Variants in LASP1 observed in about 807,000 individuals in gnomAD.
LASP1 encodes the protein LIM and SH3 protein 1, also known as LIM and SH3 domain protein 1.
Under a neutral mutation model 38.6 loss-of-function variants are expected in LASP1, and 10 were observed. The observed-to-expected ratio is 0.26, with a 90% confidence interval of 0.16 to 0.44. The LOEUF (loss-of-function observed/expected upper bound fraction) is 0.44. Among genes scored for constraint, LASP1 ranks in the 20% least tolerant of loss-of-function variants. The probability of loss-of-function intolerance (pLI) is 1.00; values close to 1 mark genes in which losing one functional copy is unlikely to be tolerated. For missense variants in LASP1, 243 were observed against 375.7 expected (o/e 0.65, Z 2.92); for synonymous variants, 132 against 140.8 (o/e 0.94, Z 0.44).
chr17:38,891,007 T>G (rs1305106625), intron 3 of LASP1, among the ~76,000 whole-genome samples: 1 of 152,150 alleles, frequency 6.6e-6, no homozygotes, highest in Non-Finnish European at 1.5e-5. Context: ...GGCTTGACTT[T>G]CCAGAACACT....
intron 2 of LASP1, among the ~76,000 whole-genome samples, chr17:38,882,439 G>A (rs1913982121): frequency 6.6e-6 from 1 of 152,036 alleles, no homozygotes; most frequent in African/African-American, 2.4e-5. Context: ...GTAGAGATGG[G>A]GTTTTTCCAT....
intron 1 of LASP1, among the ~76,000 whole-genome samples, chr17:38,871,431 G>C (rs1411117553): frequency 6.6e-6 from 1 of 151,990 alleles, no homozygotes; most frequent in East Asian, 1.9e-4. Context: ...CCCAAAGCTG[G>C]CTCCAAGTCC....
At chr17:38,914,259 G>A (rs530894630) in intron 4 of LASP1, 66 bp from the exon 5 acceptor site, 109 of 1,544,758 alleles carry the variant, frequency 7.1e-5, no homozygotes, top group Admixed American at 4.5e-4. Context: ...GGGATCTTGA[G>A]GGTCACGGGA....
intron 4 of LASP1, chr17:38,899,140 G>C (rs1382176225): frequency 4.1e-6 from 1 of 246,248 alleles, no homozygotes; most frequent in Non-Finnish European, 8.3e-6. Context: ...CCTGTGGCCA[G>C]AGAACAGGCC....
intron 3 of LASP1, chr17:38,896,753 T>G (rs2143785397): frequency 8.2e-5 from 16 of 194,404 alleles, no homozygotes; most frequent in Non-Finnish European, 1.1e-4. Context: ...AACTGAGTCT[T>G]GAGATGTGAA....
intron 3 of LASP1, among the ~76,000 whole-genome samples, chr17:38,892,908 G>A (rs933937546): frequency 2.2e-4 from 34 of 152,202 alleles, no homozygotes; most frequent in Middle Eastern, 3.2e-3. Context: ...TGAAAATGGC[G>A]GTCACTCTTC....
rs201768088 is a variant in LASP1, at chr17:38,880,468, C to T, written c.164+2288C>T. ...CCAACTTGCAGAGGCAGAGGTTCCCCTGTCTCCCTCCTGGCCTCCAGCCAA... is the reference window on the plus strand; with the variant it reads ...CCAACTTGCAGAGGCAGAGGTTCCCTTGTCTCCCTCCTGGCCTCCAGCCAA... On this transcript the variant is annotated intron_variant, in intron 2 of 6. Transcript: ENST00000318008. Among the ~76,000 whole-genome samples the T allele has an allele frequency of 3.3e-3, 499 of 152,340 alleles. 1 individual carries two copies. Among genetic ancestry groups the T allele is most frequent in the Non-Finnish European group, 5.4e-3 (370 of 68,030 alleles).
In LASP1 at chr17:38,871,801, G is replaced by T. The variant is rs142960013; in HGVS notation, c.69+1543G>T. Among the ~76,000 whole-genome samples the T allele has an allele frequency of 1.4e-4, 21 of 152,202 alleles. 1 individual carries two copies. In the South Asian group the frequency reaches 3.1e-3, roughly 23 times the overall value. On this transcript the variant is annotated intron_variant, in intron 1 of 6. Transcript: ENST00000318008. ...TGACTGGGCAGGAGGAGAGGAGGGG[G>T]TATATTGTGGGCACGAGGAAAGTTG... is the stretch of plus-strand genomic sequence containing the variant.
In LASP1 at chr17:38,882,311, G is replaced by A. The variant is rs1237604942; in HGVS notation, c.164+4131G>A. On this transcript the variant is annotated intron_variant, in intron 2 of 6. Coordinates refer to ENST00000318008, the MANE Select transcript of LASP1 (RefSeq NM_006148.4). ...CGCTCAGGCTGGAGTGCAGTGGTGC[G>A]ATCTCCGCTCACTACAACCTCTGCC... Among the ~76,000 whole-genome samples, 6 of 152,160 alleles carry A rather than the reference G, an allele frequency of 3.9e-5. No homozygotes were observed. The South Asian group carries it at 6.2e-4, about 16-fold the overall frequency.
Position 38,920,191 on chromosome 17 carries a change from A to G in LASP1, c.*1413A>G. On this transcript the variant is annotated 3_prime_UTR_variant, in exon 7 of 7. Coordinates refer to ENST00000318008, the MANE Select transcript of LASP1 (RefSeq NM_006148.4). ...CCTGCTGGGGCTAAGCGGTGGAGGA[A>G]GGCTCTGTCACTCCAGGCATATGTT... 1 of 512,404 alleles carries G rather than the reference A, an allele frequency of 2.0e-6. No homozygotes were observed. The highest frequency in any genetic ancestry group is 1.6e-5 in the South Asian group (1 of 62,726). 31.7% of individuals were successfully genotyped at this position (512,404 alleles called of 1,614,324 possible).
chr17:38,892,270 C>T (rs756653549), intron 3 of LASP1, among the ~76,000 whole-genome samples: 4 of 152,192 alleles, frequency 2.6e-5, no homozygotes, highest in Non-Finnish European at 4.4e-5. Context: ...ACTCCCAAGT[C>T]TGGGGCCCTT....
At chr17:38,877,458 G>A (rs1185291983) in intron 1 of LASP1, among the ~76,000 whole-genome samples, 1 of 152,188 alleles carries the variant, frequency 6.6e-6, no homozygotes, top group Admixed American at 6.5e-5. Context: ...TAGAAAGGAT[G>A]TGTTGTGTTG....
chr17:38,870,354 G>T, intron 1 of LASP1, 96 bp downstream of exon 1: 1 of 1,367,974 alleles, frequency 7.3e-7, no homozygotes. Flanking sequence ...CCTTATCCCC[G>T]CGATCCCAGG....
intron 3 of LASP1, among the ~76,000 whole-genome samples, chr17:38,892,588 A>ACACACC (rs555480021): frequency 3.7e-4 from 54 of 147,278 alleles, no homozygotes; most frequent in Middle Eastern, 6.8e-3. Flanking sequence ...ACACACACAC[A>ACACACC]CACCCTTCTC....
At position 38,921,437 on chromosome 17, in the gene LASP1, C is replaced by A; in HGVS notation, c.*2659C>A. The A allele has an allele frequency of 4.3e-6, 1 of 232,616 alleles. No homozygotes were observed. Among genetic ancestry groups the A allele is most frequent in the East Asian group, 6.1e-5 (1 of 16,460 alleles). The allele number at this position is 232,616 out of a possible 1,614,324, so 14.4% of individuals were successfully genotyped here. On this transcript the variant is annotated 3_prime_UTR_variant, in exon 7 of 7. Coordinates refer to ENST00000318008, the MANE Select transcript of LASP1 (RefSeq NM_006148.4). ...TAATTTCTGCCTTTCCCCCCTCACACATGCACTTTTGGGCCTTTTTTTATA... is the reference window on the plus strand; with the variant it reads ...TAATTTCTGCCTTTCCCCCCTCACAAATGCACTTTTGGGCCTTTTTTTATA...
intron 1 of LASP1, among the ~76,000 whole-genome samples, chr17:38,874,315 C>A (rs145547429): frequency 6.6e-6 from 1 of 152,180 alleles, no homozygotes; most frequent in East Asian, 1.9e-4. Flanking sequence ...CAGAGGCAGA[C>A]GGGGTCACTG....
chr17:38,914,440 A>G lies in LASP1; in HGVS notation c.473A>G (p.Gln158Arg), dbSNP rs1301234050. 5.0e-6 allele frequency: 8 copies of G among 1,610,802 alleles called. No individual in the cohort carries two copies. The highest frequency in any genetic ancestry group is 1.1e-5 in the South Asian group (1 of 90,856). The stretch of plus-strand genomic sequence containing the variant: ...AGCAGCTACCGGCGGCCCCTGGAGC[A>G]GCAGCAGCCTCACCACATCCCGACC... Reference protein sequence around the residue: ...DGSSYRRPLEQQQPHHIPTSA... With the variant: ...DGSSYRRPLERQQPHHIPTSA... Residue 158 changes from glutamine (Q) to arginine (R), a missense_variant, in exon 5 of 7, where the codon CAG (glutamine) becomes CGG (arginine). Physicochemically the swap from Gln to Arg is conservative, Grantham distance 43. Coordinates refer to ENST00000318008, the MANE Select transcript of LASP1 (RefSeq NM_006148.4).
rs550026951 is a variant in LASP1, at chr17:38,870,602, A to C, written c.69+344A>C. On this transcript the variant is annotated intron_variant, in intron 1 of 6. Transcript: ENST00000318008. ...CCCGCCCCCTACGGCCTGGAGAGTG[A>C]GAAGAGACGGCCGCTCCCTCTCCGC... Among the ~76,000 whole-genome samples, 21 of 151,290 alleles carry C rather than the reference A, an allele frequency of 1.4e-4. No homozygotes were observed. In the East Asian group the frequency reaches 3.8e-3, roughly 27 times the overall value.
In LASP1 at chr17:38,906,281, A is replaced by G. The variant is rs572504073; in HGVS notation, c.357+7762A>G. 2.6e-5 allele frequency among the ~76,000 whole-genome samples: 4 copies of G among 152,194 alleles called. No individual in the cohort carries two copies. The East Asian group carries it at 7.7e-4, about 29-fold the overall frequency. ...GGTGGCTCAGGCCTGTAATCCCAGC[A>G]CTTTGGCAGGCTGAGGCAGGTGGAT... is the stretch of plus-strand genomic sequence containing the variant. On this transcript the variant is annotated intron_variant, in intron 4 of 6. Coordinates refer to ENST00000318008, the MANE Select transcript of LASP1 (RefSeq NM_006148.4).
Sources: allele counts gnomAD v4.1 joint callset (sites outside exome capture counted in the v4.1 genomes callset), GRCh38; gene constraint gnomAD v4.1.1; transcripts MANE v1.5; gene names NCBI Gene and HGNC (gene_info 2026-07-23, HGNC 2026-07-21).